SSBP2: variants seen among roughly 807,000 people sequenced by gnomAD.
The protein encoded by SSBP2 is single stranded DNA binding protein 2.
SSBP2 carries 17 observed loss-of-function variants against 61.8 expected under a neutral mutation model. The observed-to-expected ratio is 0.28, with a 90% CI of 0.19 to 0.41. SSBP2 has a LOEUF of 0.41. SSBP2 is among the 10% of genes least tolerant of loss of function. The probability of loss-of-function intolerance (pLI) is 1.00; values close to 1 mark genes in which losing one functional copy is unlikely to be tolerated. For missense variants in SSBP2, 310 were observed against 458.7 expected (o/e 0.68, Z 2.96); for synonymous variants, 139 against 141.3 (o/e 0.98, Z 0.12).
rs1056640148 is a variant in SSBP2, at chr5:81,414,113, T to G, written c.*6391A>C. On this transcript the variant is annotated 3_prime_UTR_variant, in exon 17 of 17. Transcript: ENST00000320672. ...TTTAAAAATGAAATGCTAAATATGT[T>G]AGAAACAGATCACAACATTTTAATG... 6.6e-6 allele frequency: 1 copy of G among 152,152 alleles called. No individual in the cohort carries two copies. Among genetic ancestry groups the G allele is most frequent in the Non-Finnish European group, 1.5e-5 (1 of 67,992 alleles). The allele number at this position is 152,152 out of a possible 1,614,324, so 9.4% of individuals were successfully genotyped here.
chr5:81,437,376 T>G (rs748785463), intron 15 of SSBP2, 54 bp downstream of exon 15: 1 of 1,524,994 alleles, frequency 6.6e-7, no homozygotes, highest in African/African-American at 1.4e-5. Flanking sequence ...TTTTAATGAG[T>G]TCCATGTTAA....
At chr5:81,515,486 A>G (rs1281834213) in intron 4 of SSBP2, among the ~76,000 whole-genome samples, 1 of 152,010 alleles carries the variant, frequency 6.6e-6, no homozygotes. Context: ...CTGAATTACT[A>G]AAACTTTTTA....
At chr5:81,729,819 T>C (rs1383758455) in intron 1 of SSBP2, among the ~76,000 whole-genome samples, 1 of 150,778 alleles carries the variant, frequency 6.6e-6, no homozygotes, top group African/African-American at 2.4e-5. Flanking sequence ...TTGTAAGTTA[T>C]ATATAAGCTA....
intron 6 of SSBP2, among the ~76,000 whole-genome samples, chr5:81,485,561 C>T (rs1234480805): frequency 6.6e-6 from 1 of 152,138 alleles, no homozygotes; most frequent in Non-Finnish European, 1.5e-5. Flanking sequence ...GAAGAGGTTA[C>T]TATTTCTATT....
chr5:81,466,147 CTT>C (rs1346375398), intron 9 of SSBP2, among the ~76,000 whole-genome samples: 1 of 151,986 alleles, frequency 6.6e-6, no homozygotes. Context: ...ATATGGAACA[CTT>C]TCATTACTTT....
At position 81,412,900 on chromosome 5, in the gene SSBP2, T is replaced by C. The variant is rs1233098176; in HGVS notation, c.*7604A>G. 6.6e-6 allele frequency: 1 copy of C among 152,206 alleles called. No homozygotes were observed. Among genetic ancestry groups the C allele is most frequent in the Admixed American group, 6.5e-5 (1 of 15,276 alleles). The allele number at this position is 152,206 out of a possible 1,614,324, so 9.4% of individuals were successfully genotyped here. On this transcript the variant is annotated 3_prime_UTR_variant, in exon 17 of 17. Coordinates refer to ENST00000320672, the MANE Select transcript of SSBP2 (RefSeq NM_012446.5). Reference sequence around the variant, plus strand: ...TTCCATGTTTAGTTATCTGACCACATAGAGCCAGCCATTGATATATGCATT... The same window carrying C: ...TTCCATGTTTAGTTATCTGACCACACAGAGCCAGCCATTGATATATGCATT...
chr5:81,423,698 T>C (rs910937155), intron 16 of SSBP2, among the ~76,000 whole-genome samples: 2 of 152,016 alleles, frequency 1.3e-5, no homozygotes, highest in African/African-American at 4.8e-5. Context: ...TGAGCCAAGA[T>C]TGTGCCACTG....
chr5:81,709,770 GA>G (rs2153928453), intron 1 of SSBP2, among the ~76,000 whole-genome samples: 1 of 151,678 alleles, frequency 6.6e-6, no homozygotes, highest in African/African-American at 2.4e-5. Flanking sequence ...ATTTTGAAAA[GA>G]AAAAAATTTT....
chr5:81,703,262 A>G (rs1394199509), intron 1 of SSBP2, among the ~76,000 whole-genome samples: 1 of 152,230 alleles, frequency 6.6e-6, no homozygotes, highest in Non-Finnish European at 1.5e-5. Context: ...AGTTATTTTG[A>G]AGATATTCAG....
At chr5:81,627,575 C>T (rs535428392) in intron 3 of SSBP2, among the ~76,000 whole-genome samples, 2 of 152,094 alleles carry the variant, frequency 1.3e-5, no homozygotes, top group South Asian at 4.1e-4. Flanking sequence ...TCATTAGGTT[C>T]TAAAATAATT....
At chr5:81,428,209 T>A (rs1231044515) in intron 16 of SSBP2, among the ~76,000 whole-genome samples, 1 of 152,144 alleles carries the variant, frequency 6.6e-6, no homozygotes, top group East Asian at 1.9e-4. Flanking sequence ...CTATATAAAG[T>A]AAGAACAGAC....
At chr5:81,563,744 C>A (rs936490687) in intron 4 of SSBP2, among the ~76,000 whole-genome samples, 8 of 152,032 alleles carry the variant, frequency 5.3e-5, no homozygotes, top group African/African-American at 1.9e-4. Flanking sequence ...AAAATCAATT[C>A]AAAAATGGAT....
At chr5:81,495,160 A>G (rs1419565456) in intron 5 of SSBP2, among the ~76,000 whole-genome samples, 3 of 152,152 alleles carry the variant, frequency 2.0e-5, no homozygotes, top group Non-Finnish European at 2.9e-5. Flanking sequence ...ATATTAGCTA[A>G]AGGTAGATCC....
rs372073053 is a variant in SSBP2 at position 81,513,722 on chromosome 5, A to G, written c.283-5T>C. ...ACTGGGAGCTGCTGCAGCACTCTGC[A>G]AAGAATAAAGGAGAAACAAACCTAT... On this transcript the variant is annotated splice_polypyrimidine_tract_variant and splice_region_variant and intron_variant, in intron 4 of 16. Coordinates refer to ENST00000320672, the MANE Select transcript of SSBP2 (RefSeq NM_012446.5). 6.2e-7 allele frequency: 1 copy of G among 1,603,986 alleles called. No individual in the cohort carries two copies. Among genetic ancestry groups the G allele is most frequent in the Non-Finnish European group, 8.5e-7 (1 of 1,172,222 alleles).
chr5:81,676,497 A>C (rs1423404267), intron 1 of SSBP2, among the ~76,000 whole-genome samples: 1 of 152,166 alleles, frequency 6.6e-6, no homozygotes, highest in East Asian at 1.9e-4. Context: ...AACCCACGTA[A>C]CACATTCATG....
At chr5:81,613,828 G>T (rs1283220840) in intron 4 of SSBP2, among the ~76,000 whole-genome samples, 4 of 152,100 alleles carry the variant, frequency 2.6e-5, no homozygotes, top group African/African-American at 9.7e-5. Flanking sequence ...GTAGATCTCT[G>T]CTTTATTTCT....
intron 1 of SSBP2, among the ~76,000 whole-genome samples, chr5:81,685,664 G>A (rs1203926458): frequency 6.6e-6 from 1 of 152,100 alleles, no homozygotes; most frequent in Non-Finnish European, 1.5e-5. Context: ...AGGAAGCACA[G>A]GTGTTTTCAC....
chr5:81,602,027 CAT>C (rs201715678), intron 4 of SSBP2, among the ~76,000 whole-genome samples: 2,703 of 152,276 alleles, frequency 0.018, 59 homozygotes, highest in African/African-American at 0.052. Flanking sequence ...CAGAAGGACA[CAT>C]GTAACCAGTA....
At chr5:81,591,284 C>A (rs1775479026) in intron 4 of SSBP2, among the ~76,000 whole-genome samples, 1 of 152,152 alleles carries the variant, frequency 6.6e-6, no homozygotes, top group Non-Finnish European at 1.5e-5. Context: ...GCTCTCCTCA[C>A]ACATTAAAGA....
Sources: gnomAD v4.1 joint callset for allele counts (sites outside exome capture counted in the v4.1 genomes callset) on GRCh38, gnomAD v4.1.1 for gene constraint, MANE v1.5 for transcripts, NCBI Gene and HGNC (gene_info 2026-07-23, HGNC 2026-07-21) for gene names.